The following INPP4B variants were observed in gnomAD, a reference collection of about 807,000 sequenced individuals.
INPP4B encodes the protein inositol polyphosphate-4-phosphatase type II B.
INPP4B carries 55 observed loss-of-function variants against 122.5 expected under a neutral mutation model. That is an observed-to-expected ratio of 0.45 (90% CI 0.36 to 0.56). The LOEUF (loss-of-function observed/expected upper bound fraction) is 0.56. INPP4B is among the 20% of genes least tolerant of loss of function. The probability of loss-of-function intolerance (pLI) is 0.00; values close to 1 mark genes in which losing one functional copy is unlikely to be tolerated. For synonymous variants in INPP4B, 403 were observed against 388.7 expected (o/e 1.04, Z -0.43); for missense variants, 1,000 against 1,097.7 (o/e 0.91, Z 1.26).
At chr4:142,130,967 C>T (rs565289282) in intron 18 of INPP4B, among the ~76,000 whole-genome samples, 204 of 152,302 alleles carry the variant, frequency 1.3e-3, no homozygotes, top group African/African-American at 4.7e-3. Context: ...CTTCTTATTT[C>T]GTAGCACAAA....
At chr4:142,338,621 T>C (rs938576146) in intron 7 of INPP4B, among the ~76,000 whole-genome samples, 13 of 152,270 alleles carry the variant, frequency 8.5e-5, no homozygotes, top group Middle Eastern at 6.8e-3. Context: ...TGGCTTTTGT[T>C]TTTCCTGCCT....
Position 142,455,731 on chromosome 4 carries a change from CTG to C in INPP4B, c.-127+6930_-127+6931del, listed in dbSNP as rs764320391. On this transcript the variant is annotated intron_variant, in intron 3 of 25. Transcript: ENST00000262992. ...TTTAGTCTTTTGAGGAAACACCAAA[CTG>C]TTTTTCATAGTGATTGTACTAATTT... is the stretch of plus-strand genomic sequence containing the variant. Among the ~76,000 whole-genome samples, 18 of 152,116 alleles carry C rather than the reference CTG, an allele frequency of 1.2e-4. 1 individual carries two copies. Among genetic ancestry groups the C allele is most frequent in the South Asian group, 2.1e-4 (1 of 4,828 alleles).
chr4:142,118,154 A>G (rs1237676824), intron 21 of INPP4B, among the ~76,000 whole-genome samples: 1 of 152,214 alleles, frequency 6.6e-6, no homozygotes, highest in Non-Finnish European at 1.5e-5. Flanking sequence ...GGACACAAAC[A>G]AATGGAAGAA....
At chr4:142,124,138 A>G (rs2152757216) in intron 19 of INPP4B, among the ~76,000 whole-genome samples, 1 of 152,222 alleles carries the variant, frequency 6.6e-6, no homozygotes, top group Non-Finnish European at 1.5e-5. Context: ...AACTTATTTT[A>G]AAAACAAAAT....
intron 2 of INPP4B, among the ~76,000 whole-genome samples, chr4:142,719,283 CATT>C (rs952362934): frequency 6.6e-6 from 1 of 152,094 alleles, no homozygotes; most frequent in Non-Finnish European, 1.5e-5. Flanking sequence ...TTTAAAATAA[CATT>C]ATTAGTATCT....
At chr4:142,215,123 A>T (rs988565048) in intron 12 of INPP4B, among the ~76,000 whole-genome samples, 5 of 152,208 alleles carry the variant, frequency 3.3e-5, no homozygotes, top group Non-Finnish European at 4.4e-5. Flanking sequence ...TACGGTTGGA[A>T]GGAAGCTCAG....
chr4:142,255,993 T>C (rs960503859), intron 11 of INPP4B, among the ~76,000 whole-genome samples: 11 of 149,822 alleles, frequency 7.3e-5, no homozygotes, highest in African/African-American at 2.7e-4. Flanking sequence ...ACAGAAATTA[T>C]AACAAACTGT....
intron 8 of INPP4B, among the ~76,000 whole-genome samples, chr4:142,309,217 A>G (rs1314803067): frequency 6.6e-6 from 1 of 152,216 alleles, no homozygotes; most frequent in East Asian, 1.9e-4. Flanking sequence ...TCTAATGTGC[A>G]GCTTAAACAC....
At chr4:142,545,808 CATATACATGTGTGT>C (rs1275084728) in intron 2 of INPP4B, among the ~76,000 whole-genome samples, 2 of 80,166 alleles carry the variant, frequency 2.5e-5, no homozygotes, top group African/African-American at 7.3e-5. Context: ...TATATATACA[CATATACATGTGTGT>C]ATATATATAT....
chr4:142,754,035 T>C (rs1267275898), intron 1 of INPP4B, among the ~76,000 whole-genome samples: 1 of 152,028 alleles, frequency 6.6e-6, no homozygotes, highest in East Asian at 1.9e-4. Context: ...ATTTCCACCT[T>C]CAGCAACTGA....
chr4:142,314,970 A>C (rs534501315), intron 7 of INPP4B, among the ~76,000 whole-genome samples: 2 of 152,278 alleles, frequency 1.3e-5, no homozygotes, highest in Admixed American at 1.3e-4. Context: ...AGCTGCCTGG[A>C]ACCTCACTCC....
At chr4:142,202,778 C>A (rs991477463) in intron 14 of INPP4B, 2 of 985,104 alleles carry the variant, frequency 2.0e-6, no homozygotes, top group African/African-American at 3.5e-5. Context: ...TGAAAAACAA[C>A]AAACAAAAAC....
intron 2 of INPP4B, among the ~76,000 whole-genome samples, chr4:142,501,074 C>T (rs1472307420): frequency 6.6e-6 from 1 of 151,932 alleles, no homozygotes; most frequent in African/African-American, 2.4e-5. Flanking sequence ...AAGATAGTGC[C>T]CCAATCTCCC....
chr4:142,723,427 T>C (rs529154284), intron 2 of INPP4B, among the ~76,000 whole-genome samples: 25 of 152,260 alleles, frequency 1.6e-4, no homozygotes, highest in African/African-American at 6.0e-4. Flanking sequence ...CTACCAGGTA[T>C]ATTGAAAGAT....
chr4:142,321,054 T>C (rs141582370), intron 7 of INPP4B, among the ~76,000 whole-genome samples: 3 of 152,350 alleles, frequency 2.0e-5, no homozygotes, highest in Non-Finnish European at 4.4e-5. Flanking sequence ...CTGTTTTCCA[T>C]AGTGGTTGTA....
At chr4:142,102,804 T>C (rs2152655366) in intron 23 of INPP4B, among the ~76,000 whole-genome samples, 1 of 152,194 alleles carries the variant, frequency 6.6e-6, no homozygotes. Flanking sequence ...TCATCATTGT[T>C]ACCTCCCTAG....
At position 142,124,660 on chromosome 4, in the gene INPP4B, A is replaced by G; in HGVS notation, c.1821T>C (p.Leu607=). The change falls in exon 19 of 26, where the codon CTT becomes CTC. Residue 607 remains leucine (L), a synonymous_variant. Transcript: ENST00000262992. ...GGGGCAAGCTGTACGCAAGTTCCTG[A>G]AGGAGCACAAATGTCAGGGACTGCT... is the stretch of plus-strand genomic sequence containing the variant. ...RAKQSLTFVL[L]QELAYSLPQC... The G allele has an allele frequency of 6.2e-7, 1 of 1,613,422 alleles. No homozygotes were observed. Among genetic ancestry groups the G allele is most frequent in the African/African-American group, 1.3e-5 (1 of 74,972 alleles).
intron 7 of INPP4B, among the ~76,000 whole-genome samples, chr4:142,370,981 C>T (rs1375472445): frequency 1.3e-5 from 2 of 151,962 alleles, no homozygotes. Context: ...GCCAATGCAA[C>T]ACTGACCAAA....
At chr4:142,766,914 T>A (rs978344102) in intron 1 of INPP4B, 1 of 151,968 alleles carries the variant, frequency 6.6e-6, no homozygotes, top group African/African-American at 2.4e-5. Flanking sequence ...ATACATAGAG[T>A]TCAGAAGATT....
Sources: allele counts gnomAD v4.1 joint callset (sites outside exome capture counted in the v4.1 genomes callset), GRCh38; gene constraint gnomAD v4.1.1; transcripts MANE v1.5; gene names NCBI Gene and HGNC (gene_info 2026-07-23, HGNC 2026-07-21).